The following ACOT11 variants were observed in gnomAD, a reference collection of about 807,000 sequenced individuals.
The protein encoded by ACOT11 is acyl-CoA thioesterase 11.
In ACOT11, 69 loss-of-function variants were observed where a neutral mutation model predicts 77.5. The observed-to-expected ratio is 0.89, with a 90% CI of 0.73 to 1.09. The LOEUF (loss-of-function observed/expected upper bound fraction) is 1.09. Ranked by LOEUF, ACOT11 falls within the 50% of genes least tolerant of loss-of-function variation. The pLI, the probability that ACOT11 is intolerant of heterozygous loss-of-function variation, is 0.00. For synonymous variants in ACOT11, 279 were observed against 313.0 expected, an observed-to-expected ratio of 0.89 and a Z score of 1.15; for missense variants, 766 against 813.7, an observed-to-expected ratio of 0.94 and a Z score of 0.71.
intron 1 of ACOT11, among the ~76,000 whole-genome samples, chr1:54,558,570 A>C (rs1288882759): frequency 1.3e-5 from 2 of 152,212 alleles, no homozygotes; most frequent in Admixed American, 6.5e-5. Context: ...GCAGCTGAGA[A>C]GGCAGCCTTG....
At chr1:54,613,930 G>A (rs72903832), downstream of ACOT11, among the ~76,000 whole-genome samples, 1,263 of 152,278 alleles carry the variant, frequency 8.3e-3, 18 homozygotes, top group African/African-American at 0.029. Flanking sequence ...CCAGACTTAG[G>A]CAGGTCTTTT....
intron 1 of ACOT11, among the ~76,000 whole-genome samples, chr1:54,579,473 G>A (rs1203960904): frequency 7.9e-6 from 1 of 126,108 alleles, no homozygotes; most frequent in Non-Finnish European, 1.5e-5. Flanking sequence ...TTGACAGGCA[G>A]GAATACTCCT....
Position 54,601,282 on chromosome 1 carries a change from G to T in ACOT11, c.898G>T (p.Val300Leu). 1 of 1,611,684 alleles carries T rather than the reference G, an allele frequency of 6.2e-7. No homozygotes were observed. ...CCCTCCCCTCAGCATGGAGGTGGGCGTGTGCGTGGAGGCCTATCGCCAGGA... is the reference window on the plus strand; with the variant it reads ...CCCTCCCCTCAGCATGGAGGTGGGCTTGTGCGTGGAGGCCTATCGCCAGGA... ...NAFKHSMEVGVCVEAYRQEAE... is the reference protein window; with the variant it reads ...NAFKHSMEVGLCVEAYRQEAE... The change falls in exon 9 of 16, where the codon GTG becomes TTG. Residue 300 changes from valine to leucine, a missense_variant. Transcript: ENST00000343744.
rs1236905211 is a variant in ACOT11, at chr1:54,609,152, C to T, written c.*40C>T. The stretch of plus-strand genomic sequence containing the variant: ...CACATCATGCCCACTCCCACTCCAT[C>T]CTGTCCCCAAGGACTCACATACAGT... On this transcript the variant is annotated 3_prime_UTR_variant, in exon 16 of 16. Coordinates refer to ENST00000343744, the MANE Select transcript of ACOT11 (RefSeq NM_147161.4). 1.9e-6 allele frequency: 3 copies of T among 1,613,036 alleles called. No individual in the cohort carries two copies. The highest frequency in any genetic ancestry group is 1.1e-5 in the South Asian group (1 of 90,864).
At chr1:54,638,855 A>T (rs1271172958) in exon 17 of ACOT11, 1 of 152,076 alleles carries the variant, frequency 6.6e-6, no homozygotes. Context: ...AGCAGTATTA[A>T]TTAATTTTGG....
At chr1:54,605,793 G>GA (rs1644017522) in intron 13 of ACOT11, among the ~76,000 whole-genome samples, 1 of 152,144 alleles carries the variant, frequency 6.6e-6, no homozygotes, top group Non-Finnish European at 1.5e-5. Flanking sequence ...TTGTTCACAT[G>GA]ACTATCTTCT....
chr1:54,625,950 AAAAG>A (rs1371964461), intron 15 of ACOT11, among the ~76,000 whole-genome samples: 32 of 148,444 alleles, frequency 2.2e-4, no homozygotes, highest in Admixed American at 4.8e-4. Flanking sequence ...AAAAAAAAAA[AAAAG>A]AAAGAAAGAA....
At chr1:54,580,667 A>T (rs1316046360) in intron 1 of ACOT11, among the ~76,000 whole-genome samples, 2 of 151,026 alleles carry the variant, frequency 1.3e-5, no homozygotes, top group Non-Finnish European at 2.9e-5. Context: ...ATGGGCATTT[A>T]TTTAGCCCCA....
chr1:54,624,891 C>A (rs1557676876), intron 15 of ACOT11, among the ~76,000 whole-genome samples: 1 of 151,316 alleles, frequency 6.6e-6, no homozygotes, highest in Non-Finnish European at 1.5e-5. Flanking sequence ...GGGTGCTATT[C>A]TGTAGGATGT....
downstream of ACOT11, chr1:54,612,829 A>G (rs1401391664): frequency 2.8e-6 from 2 of 719,282 alleles, no homozygotes. Context: ...TAAGGTCAGA[A>G]GCAGAGTCCC....
chr1:54,561,690 C>T (rs1214383327), intron 1 of ACOT11, among the ~76,000 whole-genome samples: 20 of 124,408 alleles, frequency 1.6e-4, no homozygotes, highest in African/African-American at 5.1e-4. Flanking sequence ...CGGGCAGAGG[C>T]GCCCCTCACC....
intron 1 of ACOT11, chr1:54,582,638 G>C: frequency 2.0e-6 from 1 of 506,714 alleles, no homozygotes; most frequent in Non-Finnish European, 2.5e-6. Context: ...TATCATGACT[G>C]CTGGTCCAGG....
At chr1:54,582,587 G>A (rs1654349896) in intron 1 of ACOT11, 1 of 926,434 alleles carries the variant, frequency 1.1e-6, no homozygotes. Flanking sequence ...TGGGAGGAGG[G>A]GTTGACCAGG....
chr1:54,551,419 C>T (rs1160685896), intron 1 of ACOT11, among the ~76,000 whole-genome samples: 1 of 152,210 alleles, frequency 6.6e-6, no homozygotes, highest in Non-Finnish European at 1.5e-5. Flanking sequence ...GGGAGAACTG[C>T]TGAGTGCAGT....
At chr1:54,610,735 A>C, downstream of ACOT11, 2 of 982,326 alleles carry the variant, frequency 2.0e-6, no homozygotes, top group Non-Finnish European at 2.4e-6. Flanking sequence ...CCAAGGTCTT[A>C]TAAGCAGTAA....
At chr1:54,552,594 C>T (rs544490842) in intron 1 of ACOT11, among the ~76,000 whole-genome samples, 11 of 151,970 alleles carry the variant, frequency 7.2e-5, no homozygotes, top group African/African-American at 2.7e-4. Flanking sequence ...CTGGTTCAAG[C>T]GATTCTCATT....
chr1:54,609,355 T>C lies in ACOT11; in HGVS notation c.*243T>C. ...CTCGGGTCCTGTCCACAGCCCTAGC[T>C]GCCAGCAATGCTGTCCTCACAGAGG... On this transcript the variant is annotated 3_prime_UTR_variant, in exon 16 of 16. Coordinates refer to ENST00000343744, the MANE Select transcript of ACOT11 (RefSeq NM_147161.4). 6.2e-7 allele frequency: 1 copy of C among 1,614,180 alleles called. No individual in the cohort carries two copies.
chr1:54,605,165 G>A lies in ACOT11; in HGVS notation c.1326G>A (p.Leu442=). ...TGGATGCAGCCCAGGCCTTCCTGCT[G>A]CTCTCGGACCTGCGTCAGAGGCCAG... ...VHVDAAQAFL[L]LSDLRQRPEW... Residue 442 remains leucine (L), a synonymous_variant, in exon 13 of 16, where the codon CTG becomes CTA. Transcript: ENST00000343744. The A allele has an allele frequency of 6.2e-7, 1 of 1,613,870 alleles. No individual in the cohort carries two copies. Among genetic ancestry groups the A allele is most frequent in the South Asian group, 1.1e-5 (1 of 91,078 alleles).
At chr1:54,568,485 C>G (rs2100958429) in intron 1 of ACOT11, among the ~76,000 whole-genome samples, 1 of 151,760 alleles carries the variant, frequency 6.6e-6, no homozygotes, top group Admixed American at 6.6e-5. Flanking sequence ...CTGCCTCAGC[C>G]TCCCAAGTAG....
Sources: gnomAD v4.1 joint callset for allele counts (sites outside exome capture counted in the v4.1 genomes callset) on GRCh38, gnomAD v4.1.1 for gene constraint, MANE v1.5 for transcripts, NCBI Gene and HGNC (gene_info 2026-07-23, HGNC 2026-07-21) for gene names.